CNTNAP2: variants seen among roughly 807,000 people sequenced by gnomAD.
CNTNAP2 encodes contactin-associated protein-like 2.
CNTNAP2 carries 98 observed loss-of-function variants against 155.2 expected under a neutral mutation model. The ratio of observed to expected loss-of-function variants is 0.63; its 90% CI spans 0.54 to 0.75. The LOEUF is 0.75. Ranked by LOEUF, CNTNAP2 falls within the 30% of genes least tolerant of loss-of-function variation. The pLI is 0.00. For missense variants in CNTNAP2, 1,727 were observed against 1,688.1 expected, an observed-to-expected ratio of 1.02 and a Z score of -0.40; for synonymous variants, 651 against 631.2, an observed-to-expected ratio of 1.03 and a Z score of -0.47.
At chr7:147,590,791 G>A (rs187737140) in intron 12 of CNTNAP2, among the ~76,000 whole-genome samples, 73 of 152,296 alleles carry the variant, frequency 4.8e-4, no homozygotes, top group African/African-American at 1.7e-3. Flanking sequence ...GGAGGTAATA[G>A]TTTACATAGA....
At chr7:148,147,784 A>T in intron 17 of CNTNAP2, 75 bp downstream of exon 17, 1 of 1,353,618 alleles carries the variant, frequency 7.4e-7, no homozygotes, top group Admixed American at 2.0e-5. Context: ...AAAAAAAAAA[A>T]ATCAGCCTAT....
intron 12 of CNTNAP2, among the ~76,000 whole-genome samples, chr7:147,635,965 A>G (rs780732230): frequency 4.6e-5 from 7 of 152,212 alleles, no homozygotes; most frequent in Admixed American, 1.3e-4. Context: ...GCTGACTGTA[A>G]CAGAAAAGAT....
chr7:146,853,055 G>A (rs889730031), intron 3 of CNTNAP2, among the ~76,000 whole-genome samples: 3 of 152,088 alleles, frequency 2.0e-5, no homozygotes, highest in Non-Finnish European at 4.4e-5. Context: ...TTTACATTCA[G>A]CCTGGAACAA....
intron 1 of CNTNAP2, among the ~76,000 whole-genome samples, chr7:146,517,900 A>T (rs1797564400): frequency 6.6e-6 from 1 of 151,858 alleles, no homozygotes; most frequent in Admixed American, 6.6e-5. Context: ...ATGCGCCATG[A>T]CTTATTTAAA....
At chr7:147,641,061 C>T (rs1420338081) in intron 13 of CNTNAP2, among the ~76,000 whole-genome samples, 1 of 152,158 alleles carries the variant, frequency 6.6e-6, no homozygotes, top group Non-Finnish European at 1.5e-5. Context: ...GCAGGAATCG[C>T]CATGTTTGGG....
intron 15 of CNTNAP2, among the ~76,000 whole-genome samples, chr7:148,051,604 AT>A (rs1394450248): frequency 6.6e-6 from 1 of 152,240 alleles, no homozygotes; most frequent in Non-Finnish European, 1.5e-5. Flanking sequence ...GAAACTGGCA[AT>A]TTAAATGAAC....
chr7:148,281,851 T>TTTTTTTTG, intron 21 of CNTNAP2, among the ~76,000 whole-genome samples: 2 of 144,348 alleles, frequency 1.4e-5, no homozygotes, highest in Admixed American at 1.4e-4. Flanking sequence ...TTTTTTTTTT[T>TTTTTTTTG]TTTGAGACGG....
chr7:146,292,971 T>C (rs544616794), intron 1 of CNTNAP2, among the ~76,000 whole-genome samples: 1 of 152,150 alleles, frequency 6.6e-6, no homozygotes, highest in South Asian at 2.1e-4. Context: ...GCATGGTGAA[T>C]ATAGGAAATA....
chr7:148,006,073 G>A (rs1271848825), intron 15 of CNTNAP2, among the ~76,000 whole-genome samples: 1 of 151,804 alleles, frequency 6.6e-6, no homozygotes, highest in Non-Finnish European at 1.5e-5. Context: ...ACACAATATA[G>A]AACACAAAAA....
chr7:147,852,985 T>C (rs1584991607), intron 13 of CNTNAP2, among the ~76,000 whole-genome samples: 1 of 152,302 alleles, frequency 6.6e-6, no homozygotes, highest in East Asian at 1.9e-4. Flanking sequence ...GGCCCACAGA[T>C]GGAAGGAACA....
intron 9 of CNTNAP2, among the ~76,000 whole-genome samples, chr7:147,336,461 A>C (rs76746104): frequency 0.014 from 2,071 of 152,290 alleles, 50 homozygotes; most frequent in African/African-American, 0.047. Context: ...ATTCTTCATA[A>C]GACCTTAAGA....
chr7:146,525,733 G>C (rs801958), intron 1 of CNTNAP2, among the ~76,000 whole-genome samples: 1 of 151,948 alleles, frequency 6.6e-6, no homozygotes, highest in Non-Finnish European at 1.5e-5. Context: ...TGGGCATCTG[G>C]GCATTGATGG....
At chr7:147,815,697 G>A (rs188629776) in intron 13 of CNTNAP2, among the ~76,000 whole-genome samples, 3 of 152,190 alleles carry the variant, frequency 2.0e-5, no homozygotes, top group East Asian at 1.9e-4. Flanking sequence ...CATATTCCAG[G>A]GATCCAGGTG....
At chr7:147,288,738 T>A (rs928274568) in intron 8 of CNTNAP2, among the ~76,000 whole-genome samples, 9 of 152,214 alleles carry the variant, frequency 5.9e-5, no homozygotes, top group Non-Finnish European at 4.4e-5. Flanking sequence ...TTTTCCAAGT[T>A]TTTTCCAATA....
At chr7:147,774,581 G>T (rs1383131739) in intron 13 of CNTNAP2, among the ~76,000 whole-genome samples, 1 of 152,128 alleles carries the variant, frequency 6.6e-6, no homozygotes, top group Non-Finnish European at 1.5e-5. Flanking sequence ...TAAGGGTAGG[G>T]ACCTGATCTG....
intron 14 of CNTNAP2, among the ~76,000 whole-genome samples, chr7:147,949,364 G>A (rs1007159956): frequency 5.6e-4 from 85 of 151,182 alleles, no homozygotes; most frequent in African/African-American, 1.9e-3. Context: ...TCCCAGGGGT[G>A]AAAGAGGCAG....
chr7:148,083,783 A>G (rs1204079725), intron 15 of CNTNAP2, among the ~76,000 whole-genome samples: 1 of 152,242 alleles, frequency 6.6e-6, no homozygotes, highest in East Asian at 1.9e-4. Flanking sequence ...AAGTGCAGAA[A>G]GAAATACAAT....
chr7:146,784,481 A>G (rs1286160443), intron 2 of CNTNAP2, among the ~76,000 whole-genome samples: 1 of 152,234 alleles, frequency 6.6e-6, no homozygotes, highest in Non-Finnish European at 1.5e-5. Context: ...ATGGGATGGG[A>G]TAACCACATC....
At chr7:147,008,378 T>A (rs1387882089) in intron 3 of CNTNAP2, among the ~76,000 whole-genome samples, 1 of 152,124 alleles carries the variant, frequency 6.6e-6, no homozygotes, top group Non-Finnish European at 1.5e-5. Flanking sequence ...CTATGGTGAT[T>A]CATTTTCAAA....
Sources: gnomAD v4.1 joint callset for allele counts (sites outside exome capture counted in the v4.1 genomes callset) on GRCh38, gnomAD v4.1.1 for gene constraint, MANE v1.5 for transcripts, NCBI Gene and HGNC (gene_info 2026-07-23, HGNC 2026-07-21) for gene names.